The following CLASP1 variants were observed in gnomAD, a reference collection of about 807,000 sequenced individuals.
The protein encoded by CLASP1 is CLIP-associating protein 1.
Under a neutral mutation model 192.3 loss-of-function variants are expected in CLASP1, and 38 were observed. That is an observed-to-expected ratio of 0.20 (90% CI 0.15 to 0.26). The LOEUF is 0.26. CLASP1 is among the 10% of genes least tolerant of loss of function. The pLI, the probability that CLASP1 is intolerant of heterozygous loss-of-function variation, is 1.00. For synonymous variants in CLASP1, 691 were observed against 712.8 expected (o/e 0.97, Z 0.49); for missense variants, 1,433 against 1,932.5 (o/e 0.74, Z 4.85).
chr2:121,517,173 A>T (rs2094321262), intron 6 of CLASP1, among the ~76,000 whole-genome samples: 1 of 152,276 alleles, frequency 6.6e-6, no homozygotes, highest in African/African-American at 2.4e-5. Context: ...CTTTCTCTGT[A>T]TGTTAAAAAA....
intron 36 of CLASP1, among the ~76,000 whole-genome samples, chr2:121,363,773 A>C (rs1306684369): frequency 1.3e-5 from 2 of 152,230 alleles, no homozygotes; most frequent in African/African-American, 4.8e-5. Flanking sequence ...GCCTGTCATT[A>C]TTCCTGACCT....
At chr2:121,347,050 G>A (rs1486663373) in exon 39 of CLASP1, 5 of 1,569,582 alleles carry the variant, frequency 3.2e-6, no homozygotes, top group Non-Finnish European at 4.3e-6. Flanking sequence ...TGCTCCCTGT[G>A]AGCTGTGCAA....
At chr2:121,461,299 T>A (rs1012285973) in intron 10 of CLASP1, 106 bp from the exon 11 acceptor site, 2 of 653,710 alleles carry the variant, frequency 3.1e-6, no homozygotes, top group African/African-American at 3.7e-5. Context: ...AAGAAATTAT[T>A]TTTTTAAGAA....
chr2:121,551,430 C>T (rs183037459), intron 2 of CLASP1, among the ~76,000 whole-genome samples: 5 of 152,238 alleles, frequency 3.3e-5, no homozygotes, highest in African/African-American at 7.2e-5. Context: ...GTAGACAATA[C>T]GATTCTATAT....
At chr2:121,509,579 TG>T (rs2094051987) in intron 7 of CLASP1, among the ~76,000 whole-genome samples, 2 of 152,216 alleles carry the variant, frequency 1.3e-5, no homozygotes, top group Non-Finnish European at 2.9e-5. Flanking sequence ...GGACCACACC[TG>T]TAATCTCAGC....
chr2:121,516,060 C>T (rs187491518), intron 6 of CLASP1, among the ~76,000 whole-genome samples: 1 of 152,122 alleles, frequency 6.6e-6, no homozygotes, highest in Admixed American at 6.5e-5. Flanking sequence ...ATTTTCAGAC[C>T]ATCTTTCCAA....
intron 2 of CLASP1, among the ~76,000 whole-genome samples, chr2:121,547,751 A>C (rs929091626): frequency 1.3e-4 from 20 of 152,142 alleles, no homozygotes; most frequent in South Asian, 6.2e-4. Context: ...ACAACCAAGC[A>C]AGAGTGTACC....
chr2:121,512,186 T>G (rs945634586), intron 7 of CLASP1, among the ~76,000 whole-genome samples: 1 of 152,244 alleles, frequency 6.6e-6, no homozygotes, highest in Non-Finnish European at 1.5e-5. Flanking sequence ...TTTTAGAAGC[T>G]TGGTTCCCAA....
At chr2:121,417,076 AC>A (rs2078724941) in intron 23 of CLASP1, among the ~76,000 whole-genome samples, 1 of 152,224 alleles carries the variant, frequency 6.6e-6, no homozygotes, top group Admixed American at 6.5e-5. Flanking sequence ...GTGAGGACCC[AC>A]GCCTTCTGCC....
chr2:121,572,221 G>C (rs1454947193), intron 2 of CLASP1, among the ~76,000 whole-genome samples: 1 of 152,112 alleles, frequency 6.6e-6, no homozygotes, highest in Admixed American at 6.5e-5. Context: ...GAGATCAGGA[G>C]ATCGAGACGA....
rs568908921 is a variant in CLASP1 at position 121,525,061 on chromosome 2, A to G, written c.546+784T>C. On this transcript the variant is annotated intron_variant, in intron 6 of 39. Transcript: ENST00000263710. ...TAGCAGTTATCAACCAAGATTTCAC[A>G]GGAGAGGCCACTGACCATATATATT... is the stretch of plus-strand genomic sequence containing the variant. 3.6e-4 allele frequency among the ~76,000 whole-genome samples: 55 copies of G among 152,320 alleles called. No homozygotes were observed. In the South Asian group the frequency reaches 0.011, roughly 32 times the overall value.
At chr2:121,611,481 G>A (rs1481310562) in intron 1 of CLASP1, among the ~76,000 whole-genome samples, 4 of 137,188 alleles carry the variant, frequency 2.9e-5, no homozygotes, top group East Asian at 2.3e-4. Flanking sequence ...AGGAGGAGGC[G>A]TTGGAGGAGT....
In CLASP1 at chr2:121,458,833, T is replaced by C. The variant is rs759034670; in HGVS notation, c.1314+7A>G. 2 of 1,603,228 alleles carry C rather than the reference T, an allele frequency of 1.2e-6. No individual in the cohort carries two copies. The highest frequency in any genetic ancestry group is 1.7e-5 in the Admixed American group (1 of 58,302). On this transcript the variant is annotated splice_region_variant and intron_variant, in intron 13 of 39. Transcript: ENST00000263710. ...CTTATTTCAAGCATGGCCTATAACA[T>C]ACTTACCCGAATAATTAACCTAACA...
intron 34 of CLASP1, among the ~76,000 whole-genome samples, chr2:121,374,392 T>C (rs940928168): frequency 6.6e-6 from 1 of 152,220 alleles, no homozygotes. Flanking sequence ...AGAGCCCTCA[T>C]GGAGAACCTC....
chr2:121,408,914 T>C, intron 24 of CLASP1: 1 of 850,402 alleles, frequency 1.2e-6, no homozygotes, highest in Admixed American at 2.6e-5. Flanking sequence ...AAAATCATAT[T>C]TCAGACCAGA....
At chr2:121,503,312 T>C (rs2093822724) in intron 7 of CLASP1, 78 bp from the exon 8 acceptor site, 3 of 836,678 alleles carry the variant, frequency 3.6e-6, no homozygotes, top group African/African-American at 3.4e-5. Flanking sequence ...TAATGTGAAG[T>C]TGATCCCCAC....
At chr2:121,469,676 A>C in intron 9 of CLASP1, 132 bp downstream of exon 9, 1 of 806,790 alleles carries the variant, frequency 1.2e-6, no homozygotes, top group Non-Finnish European at 1.8e-6. Flanking sequence ...TCAATTAAAG[A>C]ATAGCAGGCA....
chr2:121,375,087 C>T (rs893367963), intron 34 of CLASP1, among the ~76,000 whole-genome samples: 7 of 152,074 alleles, frequency 4.6e-5, no homozygotes, highest in Admixed American at 2.0e-4. Context: ...TTCCCAATGT[C>T]GGGGGAGGAA....
intron 14 of CLASP1, among the ~76,000 whole-genome samples, chr2:121,457,339 G>A (rs2086882306): frequency 6.6e-6 from 1 of 151,954 alleles, no homozygotes; most frequent in South Asian, 2.1e-4. Context: ...TTTACTCAGG[G>A]AATAGGGCAG....
Sources: gnomAD v4.1 joint callset for allele counts (sites outside exome capture counted in the v4.1 genomes callset) on GRCh38, gnomAD v4.1.1 for gene constraint, MANE v1.5 for transcripts, NCBI Gene and HGNC (gene_info 2026-07-23, HGNC 2026-07-21) for gene names.